RALY: variants seen among roughly 807,000 people sequenced by gnomAD.
RALY encodes RALY heterogeneous nuclear ribonucleoprotein, also known as RNA-binding protein Raly.
A neutral mutation model predicts 30.7 loss-of-function variants in RALY; 15 were observed. That is an observed-to-expected ratio of 0.49 (90% CI 0.33 to 0.75). The LOEUF is 0.75. Ranked by LOEUF, RALY falls within the 30% of genes least tolerant of loss-of-function variation. RALY has a pLI of 0.02. For synonymous variants in RALY, 177 were observed against 170.8 expected, an observed-to-expected ratio of 1.04 and a Z score of -0.28; for missense variants, 339 against 414.3, an observed-to-expected ratio of 0.82 and a Z score of 1.58.
At chr20:34,053,522 C>G (rs2033148769) in intron 2 of RALY, among the ~76,000 whole-genome samples, 1 of 150,380 alleles carries the variant, frequency 6.6e-6, no homozygotes, top group Admixed American at 6.7e-5. Flanking sequence ...CTCAGCCTCC[C>G]AAGTAACTGG....
chr20:34,066,433 C>A (rs926960570), intron 2 of RALY, among the ~76,000 whole-genome samples: 5 of 152,176 alleles, frequency 3.3e-5, no homozygotes, highest in African/African-American at 1.2e-4. Flanking sequence ...GAGCCAAGAT[C>A]GTGCCATTGT....
chr20:34,066,029 CAG>C (rs1435556708), intron 2 of RALY, among the ~76,000 whole-genome samples: 1 of 152,064 alleles, frequency 6.6e-6, no homozygotes, highest in Non-Finnish European at 1.5e-5. Flanking sequence ...GGTGACATGG[CAG>C]AGTTTTAGAG....
intron 5 of RALY, 37 bp downstream of exon 5, chr20:34,073,903 C>T: frequency 1.2e-6 from 2 of 1,600,578 alleles, no homozygotes; most frequent in Non-Finnish European, 1.7e-6. Context: ...CATGAAACAG[C>T]CAAGCTGGAA....
chr20:34,077,843 A>C (rs1036670730), intron 8 of RALY, among the ~76,000 whole-genome samples: 14 of 152,248 alleles, frequency 9.2e-5, no homozygotes, highest in Non-Finnish European at 1.5e-5. Context: ...CATACTCTCT[A>C]ACTTCACATA....
chr20:34,025,309 C>T (rs75485948), intron 1 of RALY, among the ~76,000 whole-genome samples: 3,410 of 18,690 alleles, frequency 0.18, 103 homozygotes, highest in East Asian at 0.47. Flanking sequence ...CTCTCTCTCT[C>T]TTTTTTTTTT....
chr20:34,064,252 G>A (rs975695350), intron 2 of RALY, among the ~76,000 whole-genome samples: 11 of 152,084 alleles, frequency 7.2e-5, no homozygotes, highest in Non-Finnish European at 5.9e-5. Context: ...GGAGCTTGTC[G>A]CAGATGGTAA....
chr20:33,995,821 T>A (rs1416073431), intron 1 of RALY, among the ~76,000 whole-genome samples: 1 of 152,222 alleles, frequency 6.6e-6, no homozygotes, highest in African/African-American at 2.4e-5. Flanking sequence ...GAACTAAAAT[T>A]TCCAGTCTTC....
intron 2 of RALY, among the ~76,000 whole-genome samples, chr20:34,039,799 C>G (rs1201926106): frequency 1.3e-5 from 2 of 152,140 alleles, no homozygotes; most frequent in African/African-American, 2.4e-5. Context: ...TCTTTCTGAA[C>G]CATATCACCA....
intron 2 of RALY, among the ~76,000 whole-genome samples, chr20:34,034,221 A>G (rs2032390954): frequency 1.3e-5 from 2 of 152,314 alleles, no homozygotes; most frequent in Admixed American, 6.5e-5. Flanking sequence ...TATGGAGGCC[A>G]TGGTCATTCC....
chr20:34,007,823 A>AC (rs1245674001), intron 1 of RALY, among the ~76,000 whole-genome samples: 1 of 128,598 alleles, frequency 7.8e-6, no homozygotes, highest in East Asian at 1.9e-4. Context: ...TCCGTCTCAA[A>AC]AAAAAAAAAA....
chr20:34,038,210 G>C (rs1237422778), intron 2 of RALY, among the ~76,000 whole-genome samples: 1 of 152,210 alleles, frequency 6.6e-6, no homozygotes. Flanking sequence ...GGCCAGAGCA[G>C]AAGAACAGCC....
intron 1 of RALY, among the ~76,000 whole-genome samples, chr20:34,025,881 AG>A (rs1401372039): frequency 7.1e-6 from 1 of 140,256 alleles, no homozygotes; most frequent in Non-Finnish European, 1.5e-5. Flanking sequence ...CCTAGCTTCC[AG>A]CAGTAGATTC....
intron 2 of RALY, among the ~76,000 whole-genome samples, chr20:34,034,135 T>C (rs896707344): frequency 2.0e-5 from 3 of 152,174 alleles, no homozygotes; most frequent in Non-Finnish European, 4.4e-5. Flanking sequence ...AGGCTATTCC[T>C]CTTTTGGCCC....
chr20:34,049,528 T>C (rs1054975570), intron 2 of RALY, among the ~76,000 whole-genome samples: 2 of 152,204 alleles, frequency 1.3e-5, no homozygotes, highest in African/African-American at 4.8e-5. Context: ...AGCTGTGTGT[T>C]ACTTTAAGCA....
chr20:34,026,755 C>A (rs986254466), intron 1 of RALY, among the ~76,000 whole-genome samples: 3 of 152,004 alleles, frequency 2.0e-5, no homozygotes, highest in Non-Finnish European at 2.9e-5. Flanking sequence ...TTCTCTGCTC[C>A]CTGCCTTTGC....
chr20:34,038,204 A>G (rs879730808), intron 2 of RALY, among the ~76,000 whole-genome samples: 5 of 152,200 alleles, frequency 3.3e-5, no homozygotes, highest in Admixed American at 3.3e-4. Context: ...GCAGCAGGCC[A>G]GAGCAGAAGA....
intron 2 of RALY, among the ~76,000 whole-genome samples, chr20:34,064,148 G>T (rs1036446077): frequency 6.6e-6 from 1 of 152,106 alleles, no homozygotes; most frequent in African/African-American, 2.4e-5. Context: ...ACAATCATTT[G>T]TAGGTCTTCA....
chr20:34,052,039 C>T (rs2033095596), intron 2 of RALY, among the ~76,000 whole-genome samples: 1 of 152,178 alleles, frequency 6.6e-6, no homozygotes, highest in Non-Finnish European at 1.5e-5. Flanking sequence ...GCTAAGTACT[C>T]CTGATGCAAA....
intron 2 of RALY, among the ~76,000 whole-genome samples, chr20:34,046,246 T>C (rs114361316): frequency 6.6e-6 from 1 of 152,190 alleles, no homozygotes; most frequent in Non-Finnish European, 1.5e-5. Flanking sequence ...CCCAGTCTTA[T>C]CTCCAAAGAA....
Sources: allele counts gnomAD v4.1 joint callset (sites outside exome capture counted in the v4.1 genomes callset), GRCh38; gene constraint gnomAD v4.1.1; transcripts MANE v1.5; gene names NCBI Gene and HGNC (gene_info 2026-07-23, HGNC 2026-07-21).